Variants in KDM4C observed in about 807,000 individuals in gnomAD.
The protein encoded by KDM4C is lysine demethylase 4C, also known as lysine-specific demethylase 4C.
Under a neutral mutation model 129.3 loss-of-function variants are expected in KDM4C, and 81 were observed. The observed-to-expected ratio is 0.63, with a 90% CI of 0.52 to 0.75. The LOEUF is 0.75. Ranked by LOEUF, KDM4C falls within the 30% of genes least tolerant of loss-of-function variation. KDM4C has a pLI of 0.00. For missense variants in KDM4C, 1,457 were observed against 1,304.0 expected, an observed-to-expected ratio of 1.12 and a Z score of -1.81; for synonymous variants, 573 against 456.1, an observed-to-expected ratio of 1.26 and a Z score of -3.26.
chr9:7,050,352 A>C (rs1015637731), intron 17 of KDM4C, among the ~76,000 whole-genome samples: 9 of 151,056 alleles, frequency 6.0e-5, no homozygotes, highest in Non-Finnish European at 8.8e-5. Context: ...TCTAAAGGTC[A>C]CAGTGACTGT....
chr9:6,967,317 G>T (rs541014904), intron 8 of KDM4C, among the ~76,000 whole-genome samples: 4 of 151,934 alleles, frequency 2.6e-5, no homozygotes, highest in African/African-American at 9.7e-5. Context: ...CCAGCTACTC[G>T]GGGGGCTGAA....
intron 8 of KDM4C, among the ~76,000 whole-genome samples, chr9:6,913,192 C>G (rs918260659): frequency 6.6e-6 from 1 of 151,978 alleles, no homozygotes; most frequent in African/African-American, 2.4e-5. Flanking sequence ...CATTTTCTTT[C>G]TAGATAATAT....
At chr9:7,151,449 C>G (rs903569720) in intron 19 of KDM4C, among the ~76,000 whole-genome samples, 5 of 151,616 alleles carry the variant, frequency 3.3e-5, no homozygotes, top group Non-Finnish European at 7.4e-5. Flanking sequence ...CCCAGCACTT[C>G]GGGAGGCGGA....
At chr9:6,856,747 A>ATTTTTT (rs781673639) in intron 5 of KDM4C, among the ~76,000 whole-genome samples, 2 of 104,302 alleles carry the variant, frequency 1.9e-5, no homozygotes, top group African/African-American at 3.7e-5. Context: ...TAATTTTTGT[A>ATTTTTT]TTTTTTTTTT....
chr9:6,758,593 C>G lies in KDM4C; in HGVS notation c.-18+390C>G, dbSNP rs939819309. The stretch of plus-strand genomic sequence containing the variant: ...CCAGGAAGGCCGGGCCTGGTGCACC[C>G]CTCGGGGCCCTCCCTTCCCTGGGAG... On this transcript the variant is annotated intron_variant, in intron 1 of 21. Transcript: ENST00000381309. This position sits in a 1 kb window ranked among gnomAD's most constrained non-coding sequence, Gnocchi z 4.6. Among the ~76,000 whole-genome samples, 1 of 152,208 alleles carries G rather than the reference C, an allele frequency of 6.6e-6. No individual in the cohort carries two copies. Among genetic ancestry groups the G allele is most frequent in the Non-Finnish European group, 1.5e-5 (1 of 68,034 alleles).
rs542198955 is a variant in KDM4C at position 7,019,770 on chromosome 9, AT to A, written c.2259+3846del. Among the ~76,000 whole-genome samples the A allele has an allele frequency of 2.4e-3, 300 of 127,250 alleles. 4 individuals carry two copies. The highest frequency in any genetic ancestry group is 8.8e-3 in the African/African-American group (280 of 31,956). 83.5% of individuals were successfully genotyped at this position (127,250 alleles called of 152,430 possible). A position where few individuals can be genotyped will look rare whatever the true frequency, so the allele number is the denominator to read the frequency against. On this transcript the variant is annotated intron_variant, in intron 15 of 21. Coordinates refer to ENST00000381309, the MANE Select transcript of KDM4C (RefSeq NM_015061.6). ...ATATTTTTATATATAAAAATATAAT[AT>A]TTTTATATATAAAAATATTTTAGAA... is the stretch of plus-strand genomic sequence containing the variant.
intron 17 of KDM4C, among the ~76,000 whole-genome samples, chr9:7,055,867 T>C (rs1473078153): frequency 3.3e-5 from 5 of 152,170 alleles, no homozygotes; most frequent in African/African-American, 9.7e-5. Flanking sequence ...GCAACTTGGC[T>C]TTCTTTCTGA....
chr9:7,012,020 A>T (rs1267939978), intron 13 of KDM4C, 141 bp downstream of exon 13: 5 of 639,672 alleles, frequency 7.8e-6, no homozygotes, highest in Non-Finnish European at 1.1e-5. Context: ...GCTTTCATAG[A>T]ACCACAAACA....
intron 17 of KDM4C, among the ~76,000 whole-genome samples, chr9:7,100,442 C>T (rs781016275): frequency 1.4e-3 from 211 of 152,148 alleles, no homozygotes; most frequent in East Asian, 1.2e-3. Context: ...TGGGTTCAAG[C>T]GACTCTCCTG....
intron 3 of KDM4C, among the ~76,000 whole-genome samples, chr9:6,813,605 A>T (rs554822863): frequency 2.0e-5 from 3 of 152,210 alleles, no homozygotes; most frequent in Admixed American, 2.0e-4. Context: ...TTGCTTCATT[A>T]TATTCTCATT....
At position 6,721,489 on chromosome 9, in the gene KDM4C, G is replaced by C. The variant is rs182189953; in HGVS notation, c.49+492G>C. On this transcript the variant is annotated intron_variant, in intron 1 of 17. Coordinates refer to the KDM4C transcript ENST00000536108. ...AGTAGAGACAGGGTTTTGCCATGTT[G>C]GGCAGGCTGGTCTCAAACTCCTGGC... Among the ~76,000 whole-genome samples the C allele has an allele frequency of 2.0e-5, 3 of 151,604 alleles. No homozygotes were observed. The East Asian group carries it at 5.8e-4, about 29-fold the overall frequency.
In KDM4C at chr9:6,952,411, G is replaced by GTATA. The variant is rs61217461; in HGVS notation, c.922-28497_922-28494dup. 2.4e-3 allele frequency among the ~76,000 whole-genome samples: 346 copies of GTATA among 145,144 alleles called. No homozygotes were observed. In the Middle Eastern group the frequency reaches 0.025, roughly 10 times the overall value. ...GAAATTGTTCACAGTGTGTATGTGT[G>GTATA]TATATATATATATATATATAATAAT... is the stretch of plus-strand genomic sequence containing the variant. On this transcript the variant is annotated intron_variant, in intron 8 of 21. Transcript: ENST00000381309.
chr9:6,817,763 C>CTTT (rs146833868), intron 4 of KDM4C, among the ~76,000 whole-genome samples: 1,814 of 105,030 alleles, frequency 0.017, 121 homozygotes, highest in African/African-American at 0.052. Context: ...CAGGAATAAC[C>CTTT]TTTTTTTTTT....
At chr9:6,791,256 C>T (rs983087282) in intron 1 of KDM4C, among the ~76,000 whole-genome samples, 4 of 152,152 alleles carry the variant, frequency 2.6e-5, no homozygotes, top group African/African-American at 4.8e-5. Context: ...GGACTACAGG[C>T]GTGTGCCACC....
chr9:6,971,931 A>C (rs1054702025), intron 8 of KDM4C, among the ~76,000 whole-genome samples: 1 of 152,174 alleles, frequency 6.6e-6, no homozygotes, highest in African/African-American at 2.4e-5. Context: ...GCCATCATTC[A>C]ACTAATATTT....
intron 4 of KDM4C, 161 bp downstream of exon 4, chr9:6,814,906 T>C: frequency 2.3e-6 from 1 of 431,768 alleles, no homozygotes. Context: ...CTGCTGCTGG[T>C]ATTTTTCAAA....
intron 8 of KDM4C, among the ~76,000 whole-genome samples, chr9:6,908,360 G>T (rs1188891383): frequency 6.6e-6 from 1 of 152,198 alleles, no homozygotes; most frequent in Non-Finnish European, 1.5e-5. Context: ...GCTGTGCGAA[G>T]TGGGTACAGA....
At chr9:6,733,541 T>C (rs1817421337) in intron 1 of KDM4C, among the ~76,000 whole-genome samples, 1 of 152,204 alleles carries the variant, frequency 6.6e-6, no homozygotes, top group African/African-American at 2.4e-5. Flanking sequence ...CTTTTGGTAT[T>C]AGATGCAGTT....
At chr9:7,094,515 C>G (rs1455086423) in intron 17 of KDM4C, among the ~76,000 whole-genome samples, 2 of 152,014 alleles carry the variant, frequency 1.3e-5, no homozygotes, top group African/African-American at 2.4e-5. Flanking sequence ...CTCACTGCTG[C>G]GTGATTTTTC....
Sources: gnomAD v4.1 joint callset for allele counts (sites outside exome capture counted in the v4.1 genomes callset) on GRCh38, gnomAD v4.1.1 for gene constraint, Gnocchi (gnomAD v3.1) non-coding constraint, MANE v1.5 for transcripts, NCBI Gene and HGNC (gene_info 2026-07-23, HGNC 2026-07-21) for gene names.